ZNF385C: variants seen among roughly 807,000 people sequenced by gnomAD.
ZNF385C encodes the protein CTD-2132N18.2.
Under a neutral mutation model 35.4 loss-of-function variants are expected in ZNF385C, and 28 were observed. The ratio of observed to expected loss-of-function variants is 0.79; its 90% CI spans 0.59 to 1.08. The LOEUF is 1.08. ZNF385C is among the 50% of genes least tolerant of loss of function. The probability of loss-of-function intolerance (pLI) is 0.00; values close to 1 mark genes in which losing one functional copy is unlikely to be tolerated. For synonymous variants in ZNF385C, 248 were observed against 248.2 expected (o/e 1.00, Z 0.01); for missense variants, 605 against 595.6 (o/e 1.02, Z -0.16).
intron 1 of ZNF385C, among the ~76,000 whole-genome samples, chr17:42,078,713 C>A (rs933800891): frequency 1.3e-5 from 2 of 152,164 alleles, no homozygotes. Context: ...CACGTGGAGG[C>A]TCCACTGCAC....
intron 2 of ZNF385C, among the ~76,000 whole-genome samples, chr17:42,055,335 G>A (rs761271347): frequency 3.2e-4 from 48 of 151,964 alleles, no homozygotes; most frequent in Non-Finnish European, 5.7e-4. Flanking sequence ...CTTCTTCCAG[G>A]GCAGGGATCT....
intron 2 of ZNF385C, among the ~76,000 whole-genome samples, chr17:42,059,266 C>G (rs1406454624): frequency 2.6e-5 from 4 of 152,246 alleles, no homozygotes; most frequent in African/African-American, 7.2e-5. Flanking sequence ...GGTTCCATGT[C>G]TGCCTCCTCC....
At chr17:42,046,667 C>T (rs1329243258) in intron 2 of ZNF385C, among the ~76,000 whole-genome samples, 1 of 152,060 alleles carries the variant, frequency 6.6e-6, no homozygotes, top group Non-Finnish European at 1.5e-5. Flanking sequence ...AGGAGGATCA[C>T]TTGAGCTCAG....
intron 8 of ZNF385C, 76 bp downstream of exon 8, chr17:42,027,541 GC>G (rs1297431439): frequency 8.4e-6 from 9 of 1,074,790 alleles, no homozygotes; most frequent in South Asian, 3.4e-5. Context: ...CCCCACCGCA[GC>G]CCCCCCATCT....
intron 1 of ZNF385C, among the ~76,000 whole-genome samples, chr17:42,096,730 T>C (rs1352975626): frequency 6.6e-6 from 1 of 152,108 alleles, no homozygotes; most frequent in Non-Finnish European, 1.5e-5. Flanking sequence ...AAGCCAGAGC[T>C]TGTTCCACTG....
chr17:42,076,013 G>A (rs1018687097), intron 1 of ZNF385C, among the ~76,000 whole-genome samples: 41 of 152,048 alleles, frequency 2.7e-4, no homozygotes, highest in Non-Finnish European at 3.2e-4. Flanking sequence ...CCCAGCCCCC[G>A]AGTGAATGGT....
chr17:42,027,549 A>G (rs1257293247), intron 8 of ZNF385C, 69 bp downstream of exon 8: 2 of 466,276 alleles, frequency 4.3e-6, no homozygotes, highest in South Asian at 2.2e-5. Context: ...CAGCCCCCCC[A>G]TCTGGCCCTC....
intron 2 of ZNF385C, among the ~76,000 whole-genome samples, chr17:42,057,505 CGCGCGCGCGT>C (rs1301510518): frequency 1.4e-5 from 2 of 142,168 alleles, no homozygotes; most frequent in African/African-American, 3.0e-5. Flanking sequence ...TGTGCGCGCG[CGCGCGCGCGT>C]GTGTGTGTGT....
chr17:42,053,746 A>G (rs1297749619), intron 2 of ZNF385C, among the ~76,000 whole-genome samples: 3 of 151,970 alleles, frequency 2.0e-5, no homozygotes, highest in Non-Finnish European at 4.4e-5. Context: ...GGGGCCAACT[A>G]TAGCAGGAAA....
intron 2 of ZNF385C, chr17:42,040,624 C>T: frequency 8.1e-7 from 1 of 1,232,346 alleles, no homozygotes; most frequent in African/African-American, 1.5e-5. Flanking sequence ...GGGCACCAGG[C>T]CAGGCCAGGC....
intron 2 of ZNF385C, among the ~76,000 whole-genome samples, chr17:42,052,681 C>T (rs1193360876): frequency 1.3e-5 from 2 of 152,136 alleles, no homozygotes; most frequent in African/African-American, 2.4e-5. Context: ...AGTTACAGAC[C>T]ATGGACAGCA....
intron 2 of ZNF385C, among the ~76,000 whole-genome samples, chr17:42,051,356 C>T (rs1266593493): frequency 6.6e-6 from 1 of 152,104 alleles, no homozygotes; most frequent in Admixed American, 6.6e-5. Flanking sequence ...ACAGCCGACC[C>T]TCATCCCGGT....
In ZNF385C at chr17:42,080,418, G is replaced by T. The variant is rs191254162; in HGVS notation, c.-2-17360C>A. Among the ~76,000 whole-genome samples the T allele has an allele frequency of 3.9e-3, 590 of 152,298 alleles. 4 individuals carry two copies. Among genetic ancestry groups the T allele is most frequent in the African/African-American group, 0.014 (565 of 41,554 alleles). ...CTGAAGCTTTTATTTAGTTTGTCCA[G>T]CAGGATCCTCCCATCCCAGCCCACT... On this transcript the variant is annotated intron_variant, in intron 1 of 8. Coordinates refer to ENST00000692273, the MANE Select transcript of ZNF385C (RefSeq NM_001392013.1).
intron 2 of ZNF385C, chr17:42,040,143 C>T: frequency 1.6e-6 from 2 of 1,231,482 alleles, no homozygotes; most frequent in Non-Finnish European, 2.0e-6. Flanking sequence ...CCAGCTCCTC[C>T]GGCGCCTGCG....
At chr17:42,062,119 A>G (rs1465013429) in intron 2 of ZNF385C, 1 of 152,792 alleles carries the variant, frequency 6.5e-6, no homozygotes, top group East Asian at 1.9e-4. Context: ...ACCTCCCCAC[A>G]CTGAGCCTGA....
intron 1 of ZNF385C, among the ~76,000 whole-genome samples, chr17:42,069,538 G>A (rs1254025060): frequency 1.3e-5 from 2 of 152,228 alleles, no homozygotes; most frequent in African/African-American, 4.8e-5. Context: ...AACCGGAGAG[G>A]AAGGTTCGAG....
intron 6 of ZNF385C, 79 bp from the exon 7 acceptor site, chr17:42,028,325 A>G (rs575191219): frequency 2.3e-5 from 33 of 1,416,708 alleles, no homozygotes; most frequent in African/African-American, 1.1e-4. Context: ...CACTCATGCA[A>G]TTTGGCTCTC....
intron 5 of ZNF385C, among the ~76,000 whole-genome samples, chr17:42,029,588 C>T (rs1555654773): frequency 6.6e-6 from 1 of 152,154 alleles, no homozygotes; most frequent in Non-Finnish European, 1.5e-5. Flanking sequence ...GTGGCACATG[C>T]CTATAATCCC....
intron 2 of ZNF385C, chr17:42,043,243 C>T (rs1342511614): frequency 8.1e-7 from 1 of 1,232,140 alleles, no homozygotes; most frequent in Non-Finnish European, 1.0e-6. Flanking sequence ...GCACTCGAGG[C>T]AGAACATCAG....
Sources: allele counts gnomAD v4.1 joint callset (sites outside exome capture counted in the v4.1 genomes callset), GRCh38; gene constraint gnomAD v4.1.1; transcripts MANE v1.5; gene names NCBI Gene and HGNC (gene_info 2026-07-23, HGNC 2026-07-21).